The following PPEF1 variants were observed in gnomAD, a reference collection of about 807,000 sequenced individuals.
The protein encoded by PPEF1 is protein phosphatase with EF-hand domain 1, also known as serine/threonine-protein phosphatase with EF-hands 1.
In PPEF1, 12 loss-of-function variants were observed where a neutral mutation model predicts 53.3. The ratio of observed to expected loss-of-function variants is 0.23; its 90% confidence interval spans 0.14 to 0.36. The LOEUF (loss-of-function observed/expected upper bound fraction) is 0.36. Ranked by LOEUF, PPEF1 falls within the 10% of genes least tolerant of loss-of-function variation. The probability of loss-of-function intolerance (pLI) is 1.00; values close to 1 mark genes in which losing one functional copy is unlikely to be tolerated. For synonymous variants in PPEF1, 165 were observed against 176.7 expected, an observed-to-expected ratio of 0.93 and a Z score of 0.52; for missense variants, 334 against 490.4, an observed-to-expected ratio of 0.68 and a Z score of 3.01.
chrX:18,769,514 G>A (rs2045834077), intron 6 of PPEF1, among the ~76,000 whole-genome samples: 1 of 111,066 alleles, frequency 9.0e-6, no homozygotes, highest in Admixed American at 9.7e-5. Context: ...ACCTCCTATC[G>A]CTGAAAAAGA....
At chrX:18,806,817 C>T (rs1021999887) in intron 12 of PPEF1, among the ~76,000 whole-genome samples, 5 of 111,763 alleles carry the variant, frequency 4.5e-5, no homozygotes, top group African/African-American at 9.7e-5. Flanking sequence ...AAGATCCCCA[C>T]ACCCACTCAG....
chrX:18,803,375 C>A (rs1369139764), intron 10 of PPEF1, among the ~76,000 whole-genome samples: 1 of 112,752 alleles, frequency 8.9e-6, no homozygotes, highest in Admixed American at 9.4e-5. Context: ...GGCGTTATGG[C>A]CATCATGAAC....
At chrX:18,792,704 A>C (rs1023804204) in intron 10 of PPEF1, among the ~76,000 whole-genome samples, 1 of 111,789 alleles carries the variant, frequency 8.9e-6, no homozygotes, top group African/African-American at 3.3e-5. Flanking sequence ...GAGGGTGTCC[A>C]GGTTCTTGGC....
intron 1 of PPEF1, among the ~76,000 whole-genome samples, chrX:18,725,334 AG>A: frequency 8.9e-6 from 1 of 111,840 alleles, no homozygotes; most frequent in East Asian, 2.8e-4. Context: ...ACTTGCAAGG[AG>A]GGTCCCACAG....
intron 1 of PPEF1, among the ~76,000 whole-genome samples, chrX:18,708,994 CCT>C (rs1406607351): frequency 2.7e-5 from 3 of 109,171 alleles, no homozygotes; most frequent in Non-Finnish European, 5.7e-5. Context: ...AAAAACAAAT[CCT>C]CTCTCTTTTT....
intron 12 of PPEF1, among the ~76,000 whole-genome samples, chrX:18,807,231 A>G (rs2046692341): frequency 9.0e-6 from 1 of 110,722 alleles, no homozygotes; most frequent in African/African-American, 3.3e-5. Flanking sequence ...GGGTTTCACC[A>G]TGTTGGCCAG....
Position 18,730,373 on chromosome X carries a change from G to GA in PPEF1, c.174+67dup. ...TTCTCTTTACCCCTTGTTATTGAAAGAATGAAAGTTTGGGTCCATTTTAAG... is the reference window on the plus strand; with the variant it reads ...TTCTCTTTACCCCTTGTTATTGAAAGAAATGAAAGTTTGGGTCCATTTTAAG... On this transcript the variant is annotated intron_variant, in intron 2 of 15. Transcript: ENST00000470157. 3 of 1,144,239 alleles carry GA rather than the reference G, an allele frequency of 2.6e-6. No homozygotes were observed. In the South Asian group the frequency reaches 6.0e-5, roughly 23 times the overall value. The allele number at this position is 1,144,239 out of a possible 1,213,427, so 94.3% of individuals were successfully genotyped here.
intron 7 of PPEF1, among the ~76,000 whole-genome samples, chrX:18,779,613 A>T (rs2046044023): frequency 8.9e-6 from 1 of 112,073 alleles, no homozygotes; most frequent in Non-Finnish European, 1.9e-5. Flanking sequence ...TTGTTTTATG[A>T]CATGATAATT....
At chrX:18,710,569 G>A (rs893710330) in intron 1 of PPEF1, among the ~76,000 whole-genome samples, 3 of 111,532 alleles carry the variant, frequency 2.7e-5, no homozygotes, top group South Asian at 7.4e-4. Context: ...ACAAACACAC[G>A]AAAAAAATGC....
At chrX:18,813,711 G>A (rs1279480447) in intron 12 of PPEF1, among the ~76,000 whole-genome samples, 6 of 111,755 alleles carry the variant, frequency 5.4e-5, no homozygotes, top group African/African-American at 6.5e-5. Flanking sequence ...GATGCCTCTC[G>A]TCAAGTGGAA....
intron 2 of PPEF1, among the ~76,000 whole-genome samples, chrX:18,732,302 A>G (rs1308288822): frequency 1.8e-5 from 2 of 112,549 alleles, no homozygotes; most frequent in Non-Finnish European, 1.9e-5. Flanking sequence ...GGCTATTATG[A>G]ATAATGCTGC....
chrX:18,707,424 C>A (rs1279530218), upstream of PPEF1, among the ~76,000 whole-genome samples: 1 of 112,163 alleles, frequency 8.9e-6, no homozygotes, highest in Non-Finnish European at 1.9e-5. Context: ...CTGGATGTGA[C>A]CTAGACATGG....
chrX:18,793,063 G>A (rs1602458860), intron 10 of PPEF1, among the ~76,000 whole-genome samples: 1 of 107,382 alleles, frequency 9.3e-6, no homozygotes, highest in East Asian at 3.0e-4. Flanking sequence ...CCTTCCTTCT[G>A]CTTGTTTTGG....
intron 1 of PPEF1, among the ~76,000 whole-genome samples, chrX:18,728,786 G>C (rs2044768385): frequency 9.0e-6 from 1 of 111,578 alleles, no homozygotes; most frequent in African/African-American, 3.3e-5. Context: ...TACTGCAGCA[G>C]TACTAAACCA....
In PPEF1 at chrX:18,806,516, A is replaced by G. The variant is rs776796609; in HGVS notation, c.1365A>G (p.Lys455=). ...GATTTTTCCAGTACCAAGTAACTAA[A>G]GCAACGTGCTTTCAGCCTCTTCGCC... ...TPRFFQYQVT[K]ATCFQPLRQR... is the part of the protein sequence containing the mutation. The change falls in exon 12 of 16, where the codon AAA becomes AAG. Residue 455 remains lysine (K), a synonymous_variant. Transcript: ENST00000470157. 2.5e-6 allele frequency: 3 copies of G among 1,210,361 alleles called. No individual in the cohort carries two copies. Among genetic ancestry groups the G allele is most frequent in the Non-Finnish European group, 3.4e-6 (3 of 894,647 alleles).
At chrX:18,766,884 T>C (rs1379478642) in intron 6 of PPEF1, among the ~76,000 whole-genome samples, 5 of 83,617 alleles carry the variant, frequency 6.0e-5, no homozygotes, top group Non-Finnish European at 1.3e-4. Flanking sequence ...CCCCATTCTC[T>C]ACTAAATACA....
intron 12 of PPEF1, among the ~76,000 whole-genome samples, chrX:18,812,111 T>C (rs1288749454): frequency 8.9e-6 from 1 of 111,760 alleles, no homozygotes; most frequent in African/African-American, 3.2e-5. Flanking sequence ...CTAAGAGTTT[T>C]ATAGGTTTAG....
intron 12 of PPEF1, among the ~76,000 whole-genome samples, chrX:18,813,174 A>C (rs2046841563): frequency 9.1e-6 from 1 of 110,419 alleles, no homozygotes; most frequent in South Asian, 3.9e-4. Context: ...AGGTCAGGAG[A>C]TCAAGACCAG....
chrX:18,788,039 G>A (rs374469304), intron 9 of PPEF1, among the ~76,000 whole-genome samples: 14 of 111,923 alleles, frequency 1.3e-4, no homozygotes, highest in African/African-American at 2.6e-4. Flanking sequence ...GTGCTTGGCC[G>A]GGTGCAGTGG....
Sources: allele counts gnomAD v4.1 joint callset (sites outside exome capture counted in the v4.1 genomes callset), GRCh38; gene constraint gnomAD v4.1.1; transcripts MANE v1.5; gene names NCBI Gene and HGNC (gene_info 2026-07-23, HGNC 2026-07-21).